The following CMSS1 variants were observed in gnomAD, a reference collection of about 807,000 sequenced individuals.
CMSS1 encodes cms1 ribosomal small subunit homolog, also known as protein CMSS1.
In CMSS1, 33 loss-of-function variants were observed where a neutral mutation model predicts 43.5. The ratio of observed to expected loss-of-function variants is 0.76; its 90% CI spans 0.57 to 1.01. CMSS1 has a LOEUF of 1.01. CMSS1 is among the 50% of genes least tolerant of loss of function. The pLI, the probability that CMSS1 is intolerant of heterozygous loss-of-function variation, is 0.00. For missense variants in CMSS1, 313 were observed against 326.4 expected (o/e 0.96, Z 0.32); for synonymous variants, 115 against 117.2 (o/e 0.98, Z 0.12).
chr3:99,984,058 GTT>G (rs1491323767), intron 1 of CMSS1, among the ~76,000 whole-genome samples: 3 of 151,828 alleles, frequency 2.0e-5, no homozygotes, highest in African/African-American at 4.8e-5. Flanking sequence ...ATGTATGTGT[GTT>G]TGTGTGTGTG....
chr3:100,099,346 A>G (rs1576058553), intron 1 of CMSS1, among the ~76,000 whole-genome samples: 1 of 152,216 alleles, frequency 6.6e-6, no homozygotes, highest in Non-Finnish European at 1.5e-5. Flanking sequence ...TAATCCTATC[A>G]GAATTATGCA....
At chr3:99,939,787 C>A (rs1179326210) in intron 1 of CMSS1, among the ~76,000 whole-genome samples, 1 of 152,114 alleles carries the variant, frequency 6.6e-6, no homozygotes, top group African/African-American at 2.4e-5. Flanking sequence ...GTATTATTTC[C>A]CCAGTTTGCA....
At chr3:100,052,122 A>G (rs2065384576) in intron 1 of CMSS1, among the ~76,000 whole-genome samples, 1 of 152,152 alleles carries the variant, frequency 6.6e-6, no homozygotes, top group South Asian at 2.1e-4. Context: ...TTGTGATCTG[A>G]GAGTTCAGTT....
At chr3:99,932,195 C>T (rs921522893) in intron 1 of CMSS1, among the ~76,000 whole-genome samples, 5 of 152,144 alleles carry the variant, frequency 3.3e-5, no homozygotes, top group Non-Finnish European at 7.4e-5. Context: ...CTTCCCACTC[C>T]AGAAGTAACC....
intron 1 of CMSS1, among the ~76,000 whole-genome samples, chr3:99,972,865 T>C (rs943519032): frequency 2.6e-5 from 4 of 152,236 alleles, no homozygotes; most frequent in Non-Finnish European, 5.9e-5. Flanking sequence ...GAACTTTTTC[T>C]TTCATGTTAG....
chr3:100,140,507 T>C (rs992375019), intron 1 of CMSS1, among the ~76,000 whole-genome samples: 2 of 151,822 alleles, frequency 1.3e-5, no homozygotes, highest in Non-Finnish European at 2.9e-5. Flanking sequence ...ATCCATGTTA[T>C]GTTTTCTGTT....
At chr3:100,123,599 C>T (rs1270387866) in intron 1 of CMSS1, among the ~76,000 whole-genome samples, 1 of 152,176 alleles carries the variant, frequency 6.6e-6, no homozygotes, top group Non-Finnish European at 1.5e-5. Flanking sequence ...GAACAGGGTA[C>T]TCCCAGGCCG....
At chr3:100,123,167 G>C (rs918760332) in intron 1 of CMSS1, among the ~76,000 whole-genome samples, 10 of 152,200 alleles carry the variant, frequency 6.6e-5, no homozygotes, top group African/African-American at 2.4e-4. Flanking sequence ...AGAGAACTGG[G>C]GGAGTGAGCG....
chr3:99,934,026 T>G (rs1707578100), intron 1 of CMSS1, among the ~76,000 whole-genome samples: 1 of 152,206 alleles, frequency 6.6e-6, no homozygotes, highest in African/African-American at 2.4e-5. Context: ...TGGCTGTTGG[T>G]TAGTTGGACT....
intron 1 of CMSS1, among the ~76,000 whole-genome samples, chr3:100,107,501 G>C (rs1234789381): frequency 6.6e-6 from 1 of 152,116 alleles, no homozygotes; most frequent in Non-Finnish European, 1.5e-5. Flanking sequence ...CATTTGGCAG[G>C]TATTTAATGC....
intron 1 of CMSS1, among the ~76,000 whole-genome samples, chr3:99,983,450 ATATATATATGTGTG>A (rs1709212399): frequency 9.9e-5 from 1 of 10,092 alleles, no homozygotes; most frequent in Non-Finnish European, 2.1e-4. Flanking sequence ...ATGTATGTAT[ATATATATATGTGTG>A]TATATATATA....
chr3:99,930,355 T>C (rs963863624), intron 1 of CMSS1, among the ~76,000 whole-genome samples: 1 of 152,200 alleles, frequency 6.6e-6, no homozygotes. Context: ...TTCTCCTATA[T>C]GTGTACCAGC....
At chr3:99,915,542 C>G (rs540106655) in intron 1 of CMSS1, among the ~76,000 whole-genome samples, 1 of 152,116 alleles carries the variant, frequency 6.6e-6, no homozygotes, top group Non-Finnish European at 1.5e-5. Flanking sequence ...ATTTGGAAGG[C>G]TACATTTTTC....
At chr3:100,163,930 C>T (rs1378298309) in intron 4 of CMSS1, among the ~76,000 whole-genome samples, 1 of 152,118 alleles carries the variant, frequency 6.6e-6, no homozygotes, top group Non-Finnish European at 1.5e-5. Context: ...TTTCTAGAAG[C>T]TTGAGAAGCT....
chr3:99,958,956 C>T (rs368211971), intron 1 of CMSS1, among the ~76,000 whole-genome samples: 21 of 152,254 alleles, frequency 1.4e-4, no homozygotes, highest in African/African-American at 5.1e-4. Context: ...CTCTATACCA[C>T]TGGATTCTTG....
chr3:100,142,685 T>G (rs1161270504), intron 1 of CMSS1, among the ~76,000 whole-genome samples: 1 of 152,216 alleles, frequency 6.6e-6, no homozygotes, highest in East Asian at 1.9e-4. Flanking sequence ...TTTTTAAACA[T>G]TTATGGGGCT....
intron 1 of CMSS1, among the ~76,000 whole-genome samples, chr3:100,099,754 A>T (rs2066272920): frequency 1.3e-5 from 2 of 152,194 alleles, no homozygotes; most frequent in Admixed American, 1.3e-4. Context: ...CTCTCATAAG[A>T]TATGTTCTGT....
chr3:99,818,222 G>C (rs1942361305), intron 1 of CMSS1, among the ~76,000 whole-genome samples, 179 bp downstream of exon 1: 1 of 152,276 alleles, frequency 6.6e-6, no homozygotes, highest in Admixed American at 6.5e-5. Flanking sequence ...GAAACAGACA[G>C]CTGTGACATT....
chr3:100,000,650 G>A (rs1709816382), intron 1 of CMSS1, among the ~76,000 whole-genome samples: 1 of 152,312 alleles, frequency 6.6e-6, no homozygotes, highest in Admixed American at 6.5e-5. Context: ...AGGAGTTCAA[G>A]GCCAGAGTGA....
Sources: allele counts gnomAD v4.1 joint callset (sites outside exome capture counted in the v4.1 genomes callset), GRCh38; gene constraint gnomAD v4.1.1; transcripts MANE v1.5; gene names NCBI Gene and HGNC (gene_info 2026-07-23, HGNC 2026-07-21).